The following FAM20C variants were observed in gnomAD, a reference collection of about 807,000 sequenced individuals.
FAM20C encodes FAM20C golgi associated secretory pathway kinase.
FAM20C carries 40 observed loss-of-function variants against 51.5 expected under a neutral mutation model. That is an observed-to-expected ratio of 0.78 (90% confidence interval 0.60 to 1.01). The LOEUF is 1.01. Ranked by LOEUF, FAM20C falls within the 50% of genes least tolerant of loss-of-function variation. The probability of loss-of-function intolerance (pLI) is 0.00; values close to 1 mark genes in which losing one functional copy is unlikely to be tolerated. For synonymous variants in FAM20C, 406 were observed against 380.6 expected (o/e 1.07, Z -0.78); for missense variants, 861 against 844.7 (o/e 1.02, Z -0.24).
At chr7:253,602 T>C (rs36156719) in intron 5 of FAM20C, among the ~76,000 whole-genome samples, 25,225 of 139,170 alleles carry the variant, frequency 0.18, 2,847 homozygotes, top group African/African-American at 0.33. Context: ...CTGCCTCCCG[T>C]GGCTTCTTTG....
intron 4 of FAM20C, among the ~76,000 whole-genome samples, chr7:247,732 A>G (rs1788224727): frequency 6.6e-6 from 1 of 152,182 alleles, no homozygotes; most frequent in Non-Finnish European, 1.5e-5. Context: ...CCACCTGTTT[A>G]TAAAACAGGA....
rs556449133 is a variant in FAM20C, at chr7:258,401, G to T, written c.1446-245G>T. On this transcript the variant is annotated intron_variant, in intron 8 of 9. Coordinates refer to ENST00000313766, the MANE Select transcript of FAM20C (RefSeq NM_020223.4). ...GCAGGGTGGACCCACTGCCCGGGAT[G>T]CTGGAGATGGGTGGGGTGGACCCAC... Among the ~76,000 whole-genome samples, 4 of 115,554 alleles carry T rather than the reference G, an allele frequency of 3.5e-5. 1 individual carries two copies. The South Asian group carries it at 1.3e-3, about 36-fold the overall frequency. 75.8% of individuals were successfully genotyped at this position (115,554 alleles called of 152,430 possible).
rs1300314517 is a variant in FAM20C, at chr7:259,749, C to T, written c.1524C>T (p.Tyr508=). 5 of 1,536,118 alleles carry T rather than the reference C, an allele frequency of 3.3e-6. No homozygotes were observed. Among genetic ancestry groups the T allele is most frequent in the Non-Finnish European group, 8.7e-7 (1 of 1,146,396 alleles). ...QQCCRIRKST[Y]LRLQLLAKEE... ...TCCCCAGGATCCGGAAGTCCACCTA[C>T]CTGCGTCTGCAGCTCCTGGCCAAGG... Residue 508 remains tyrosine (Y), a synonymous_variant, in exon 10 of 10, where the codon TAC becomes TAT. Coordinates refer to ENST00000313766, the MANE Select transcript of FAM20C (RefSeq NM_020223.4).
rs1562368030 is a variant in FAM20C, at chr7:206,535, C to CCGCACACG, written c.785-2363_785-2362insCGCACACG. Reference sequence around the variant, plus strand: ...CGCGTCTGTCATGGTCCCCTCGGCCCTGCACACGTGTCCACTGTGACGCGT... The same window carrying CCGCACACG: ...CGCGTCTGTCATGGTCCCCTCGGCCCCGCACACGTGCACACGTGTCCACTGTGACGCGT... On this transcript the variant is annotated intron_variant, in intron 2 of 9. Coordinates refer to ENST00000313766, the MANE Select transcript of FAM20C (RefSeq NM_020223.4). 7.0e-3 allele frequency among the ~76,000 whole-genome samples: 802 copies of CCGCACACG among 114,826 alleles called. 112 individuals carry two copies. Among genetic ancestry groups the CCGCACACG allele is most frequent in the East Asian group, 0.024 (86 of 3,576 alleles). The allele number at this position is 114,826 out of a possible 152,430, so 75.3% of individuals were successfully genotyped here. A position where few individuals can be genotyped will look rare whatever the true frequency, so the allele number is the denominator to read the frequency against.
rs1786575750 is a variant in FAM20C at position 208,935 on chromosome 7, G to C, written c.822G>C (p.Met274Ile). The part of the protein sequence containing the change: ...KSGGTQLKLI[M>I]TFQNYGQALF... ...GGGGCACGCAGCTGAAGCTCATCAT[G>C]ACCTTCCAGAATTACGGGCAAGCGC... Residue 274 changes from methionine to isoleucine, a missense_variant, in exon 3 of 10, where the codon ATG becomes ATC. Physicochemically the swap from Met to Ile is conservative, Grantham distance 10. This residue lies in a region of FAM20C where 561 missense variants were observed against 499.8 expected (regional missense o/e 1.12). Transcript: ENST00000313766. 6.3e-7 allele frequency: 1 copy of C among 1,585,072 alleles called. No homozygotes were observed. Among genetic ancestry groups the C allele is most frequent in the African/African-American group, 1.3e-5 (1 of 74,422 alleles).
intron 3 of FAM20C, among the ~76,000 whole-genome samples, chr7:234,611 C>T (rs1034283527): frequency 1.6e-4 from 25 of 152,294 alleles, no homozygotes; most frequent in Admixed American, 4.6e-4. Flanking sequence ...CTGTGGTCCC[C>T]GGCACCATCG....
At chr7:220,892 G>A (rs1027532103) in intron 3 of FAM20C, among the ~76,000 whole-genome samples, 2 of 152,216 alleles carry the variant, frequency 1.3e-5, no homozygotes, top group African/African-American at 2.4e-5. Flanking sequence ...AGCCCGGATG[G>A]TGGGCCCAGG....
chr7:219,170 G>A (rs934233150), intron 3 of FAM20C, among the ~76,000 whole-genome samples: 1 of 152,184 alleles, frequency 6.6e-6, no homozygotes, highest in African/African-American at 2.4e-5. Context: ...AGGAAGCCAG[G>A]CTCCACCTGG....
chr7:236,917 T>C (rs1787866603), intron 3 of FAM20C, among the ~76,000 whole-genome samples: 1 of 152,186 alleles, frequency 6.6e-6, no homozygotes, highest in Non-Finnish European at 1.5e-5. Context: ...GGCAGAAGAC[T>C]CCAGGAGCAT....
At chr7:203,075 C>T (rs1786205458) in intron 2 of FAM20C, among the ~76,000 whole-genome samples, 1 of 152,152 alleles carries the variant, frequency 6.6e-6, no homozygotes, top group Non-Finnish European at 1.5e-5. Flanking sequence ...GCAGGTGAGT[C>T]TCTGAGACTT....
intron 3 of FAM20C, among the ~76,000 whole-genome samples, chr7:233,836 G>A (rs1787771849): frequency 1.3e-5 from 2 of 152,230 alleles, no homozygotes; most frequent in Non-Finnish European, 2.9e-5. Context: ...GGTCAGCTCA[G>A]TCGTCATTCC....
rs765745848 is a variant in FAM20C at position 248,379 on chromosome 7, C to T, written c.1021C>T (p.Arg341Trp). The change falls in exon 5 of 10, where the codon CGG becomes TGG. Residue 341 changes from arginine (R) to tryptophan (W), a missense_variant. Arg to Trp is a moderately radical substitution (Grantham distance 101). Transcript: ENST00000313766. ...GATGGTCAACATGACCAAGGAGATC[C>T]GGGACGTCACACGGGACAAGAAGCT... ...GRMVNMTKEI[R>W]DVTRDKKLWR... 1.6e-5 allele frequency: 25 copies of T among 1,537,074 alleles called. No homozygotes were observed. The Middle Eastern group carries it at 5.0e-4, about 31-fold the overall frequency.
chr7:230,140 G>A (rs533790331), intron 3 of FAM20C, among the ~76,000 whole-genome samples: 1 of 152,194 alleles, frequency 6.6e-6, no homozygotes, highest in Non-Finnish European at 1.5e-5. Flanking sequence ...TCGAGATGAG[G>A]ACTTTCCCTG....
At chr7:216,688 T>A (rs564950423) in intron 3 of FAM20C, among the ~76,000 whole-genome samples, 1 of 143,172 alleles carries the variant, frequency 7.0e-6, no homozygotes, top group East Asian at 2.1e-4. Context: ...TGTGAGAGTG[T>A]GTGTGTGTGT....
rs568913724 is a variant in FAM20C, at chr7:199,870, T to A, written c.784+4138T>A. 2.5e-4 allele frequency among the ~76,000 whole-genome samples: 38 copies of A among 152,336 alleles called. 2 individuals carry two copies. The South Asian group carries it at 7.9e-3, about 32-fold the overall frequency. On this transcript the variant is annotated intron_variant, in intron 2 of 9. Transcript: ENST00000313766. ...ATGCAAAGAATGAATGACATCCCACTGGCATGTGAGGATTCGGGCAGCTTC... is the reference window on the plus strand; with the variant it reads ...ATGCAAAGAATGAATGACATCCCACAGGCATGTGAGGATTCGGGCAGCTTC...
chr7:258,345 G>A (rs1451231193), intron 8 of FAM20C, among the ~76,000 whole-genome samples: 2 of 112,974 alleles, frequency 1.8e-5, no homozygotes, highest in African/African-American at 3.2e-5. Context: ...GATGGGCAGG[G>A]TGGACCCACT....
intron 3 of FAM20C, 89 bp downstream of exon 3, chr7:209,065 C>T (rs1583291447): frequency 7.5e-7 from 1 of 1,336,140 alleles, no homozygotes; most frequent in Admixed American, 2.0e-5. Context: ...GGCCGTGTCT[C>T]CTCCCAGGGT....
intron 2 of FAM20C, among the ~76,000 whole-genome samples, chr7:205,017 G>A (rs1456842580): frequency 6.6e-6 from 1 of 152,252 alleles, no homozygotes; most frequent in Non-Finnish European, 1.5e-5. Flanking sequence ...AGTCCTAAGG[G>A]TGGTCCTGGA....
chr7:254,735 G>A (rs780024808), intron 5 of FAM20C, among the ~76,000 whole-genome samples: 26 of 152,270 alleles, frequency 1.7e-4, no homozygotes, highest in Non-Finnish European at 3.5e-4. Flanking sequence ...AAGGAGCCCC[G>A]TACCATGAGC....
Sources: gnomAD v4.1 joint callset for allele counts (sites outside exome capture counted in the v4.1 genomes callset) on GRCh38, gnomAD v4.1.1 for gene constraint, gnomAD v4.1.1 regional missense constraint, MANE v1.5 for transcripts, NCBI Gene and HGNC (gene_info 2026-07-23, HGNC 2026-07-21) for gene names.